Variants in CTNND2 observed in about 807,000 individuals in gnomAD.
CTNND2 encodes the protein catenin delta 2, also known as catenin delta-2.
A neutral mutation model predicts 144.4 loss-of-function variants in CTNND2; 22 were observed. That is an observed-to-expected ratio of 0.15 (90% CI 0.11 to 0.22). The LOEUF is 0.22. Ranked by LOEUF, CTNND2 falls within the 10% of genes least tolerant of loss-of-function variation. The probability of loss-of-function intolerance (pLI) is 1.00; values close to 1 mark genes in which losing one functional copy is unlikely to be tolerated. For synonymous variants in CTNND2, 751 were observed against 695.6 expected, an observed-to-expected ratio of 1.08 and a Z score of -1.25; for missense variants, 1,353 against 1,618.8, an observed-to-expected ratio of 0.84 and a Z score of 2.82.
intron 9 of CTNND2, among the ~76,000 whole-genome samples, chr5:11,254,174 C>T (rs970153802): frequency 4.6e-5 from 7 of 152,164 alleles, no homozygotes; most frequent in African/African-American, 1.7e-4. Context: ...TTACTAGTTG[C>T]TCAATAAACA....
chr5:11,775,475 C>T (rs1258386976), intron 1 of CTNND2, among the ~76,000 whole-genome samples: 1 of 152,198 alleles, frequency 6.6e-6, no homozygotes, highest in East Asian at 1.9e-4. Context: ...CTAGCATGTC[C>T]CCCCATTGCA....
chr5:11,009,432 A>G (rs1740825677), intron 18 of CTNND2, among the ~76,000 whole-genome samples: 1 of 152,234 alleles, frequency 6.6e-6, no homozygotes, highest in Non-Finnish European at 1.5e-5. Flanking sequence ...GGAAGAGAGA[A>G]GAAACTGATC....
At chr5:11,430,970 A>G (rs1581178816) in intron 3 of CTNND2, among the ~76,000 whole-genome samples, 2 of 152,188 alleles carry the variant, frequency 1.3e-5, no homozygotes, top group Admixed American at 1.3e-4. Context: ...TGAGCAGTTT[A>G]ATGTGTCTGA....
intron 9 of CTNND2, among the ~76,000 whole-genome samples, chr5:11,309,399 G>A (rs946276339): frequency 6.6e-6 from 1 of 152,212 alleles, no homozygotes; most frequent in African/African-American, 2.4e-5. Flanking sequence ...AGTCAAAGGA[G>A]ATTATTTTGG....
At chr5:11,269,375 T>G (rs1745772151) in intron 9 of CTNND2, among the ~76,000 whole-genome samples, 1 of 152,208 alleles carries the variant, frequency 6.6e-6, no homozygotes, top group African/African-American at 2.4e-5. Context: ...CTATTCTCGT[T>G]TATTATAATA....
At chr5:11,625,003 A>G (rs1315801634) in intron 2 of CTNND2, among the ~76,000 whole-genome samples, 4 of 152,136 alleles carry the variant, frequency 2.6e-5, no homozygotes, top group Non-Finnish European at 5.9e-5. Context: ...AACAACCAAA[A>G]AAAAACAAAG....
intron 9 of CTNND2, among the ~76,000 whole-genome samples, chr5:11,253,390 T>A (rs1376777441): frequency 3.3e-5 from 5 of 152,222 alleles, no homozygotes; most frequent in Non-Finnish European, 7.3e-5. Flanking sequence ...GTGGGATGGA[T>A]CTGGTGGAAG....
At chr5:11,688,925 G>A (rs952477782) in intron 2 of CTNND2, among the ~76,000 whole-genome samples, 2 of 152,200 alleles carry the variant, frequency 1.3e-5, no homozygotes, top group African/African-American at 2.4e-5. Context: ...ATCACAGACG[G>A]AGTTGCCCTT....
intron 1 of CTNND2, among the ~76,000 whole-genome samples, chr5:11,773,262 C>A (rs1398418172): frequency 1.3e-5 from 2 of 152,178 alleles, no homozygotes; most frequent in South Asian, 4.1e-4. Context: ...AAATCCAGGT[C>A]TTTCAGCTTT....
intron 16 of CTNND2, among the ~76,000 whole-genome samples, chr5:11,036,155 C>A (rs574069580): frequency 6.6e-6 from 1 of 151,918 alleles, no homozygotes; most frequent in African/African-American, 2.4e-5. Context: ...TTGTTACTCT[C>A]GAGTCACTTT....
At chr5:11,191,624 C>T (rs765671013) in intron 11 of CTNND2, among the ~76,000 whole-genome samples, 18 of 152,158 alleles carry the variant, frequency 1.2e-4, no homozygotes, top group South Asian at 4.1e-4. Flanking sequence ...CTGAGGGCTG[C>T]GGGCAGAGGG....
At position 11,085,710 on chromosome 5, in the gene CTNND2, C is replaced by T. The variant is rs145077411; in HGVS notation, c.2638-2864G>A. ...TGCCCTCTCCCTAGTCAATACAGAG[C>T]CTCCATGCTGGGGAAAGAAAGGATG... On this transcript the variant is annotated intron_variant, in intron 15 of 21. Transcript: ENST00000304623. 4.2e-4 allele frequency among the ~76,000 whole-genome samples: 64 copies of T among 152,306 alleles called. 1 individual carries two copies. Among genetic ancestry groups the T allele is most frequent in the African/African-American group, 1.5e-3 (64 of 41,560 alleles).
intron 7 of CTNND2, among the ~76,000 whole-genome samples, chr5:11,378,966 T>C (rs1758213647): frequency 6.6e-6 from 1 of 152,198 alleles, no homozygotes; most frequent in African/African-American, 2.4e-5. Context: ...CTCTCCATAT[T>C]AGGTCAATTT....
intron 1 of CTNND2, among the ~76,000 whole-genome samples, chr5:11,734,404 T>C (rs1184372037): frequency 6.6e-6 from 1 of 152,194 alleles, no homozygotes; most frequent in Non-Finnish European, 1.5e-5. Flanking sequence ...GGGCAGGTTT[T>C]GCCCATGCTG....
At chr5:11,631,445 A>G (rs1460106696) in intron 2 of CTNND2, among the ~76,000 whole-genome samples, 1 of 152,152 alleles carries the variant, frequency 6.6e-6, no homozygotes, top group Non-Finnish European at 1.5e-5. Context: ...AAGATAACCA[A>G]CTTAATCTTG....
chr5:11,682,334 T>C (rs1032917044), intron 2 of CTNND2, among the ~76,000 whole-genome samples: 2 of 152,170 alleles, frequency 1.3e-5, no homozygotes, highest in African/African-American at 4.8e-5. Flanking sequence ...AGCCGAGGTG[T>C]TGAAAATTGC....
chr5:11,433,644 G>A (rs1290338881), intron 3 of CTNND2, among the ~76,000 whole-genome samples: 1 of 152,106 alleles, frequency 6.6e-6, no homozygotes, highest in African/African-American at 2.4e-5. Context: ...AAAGGGGTGT[G>A]GGTAGGTGCC....
intron 3 of CTNND2, among the ~76,000 whole-genome samples, chr5:11,430,274 G>GCTCCT (rs1763168868): frequency 7.6e-6 from 1 of 131,028 alleles, no homozygotes; most frequent in South Asian, 2.4e-4. Flanking sequence ...AAAAAAAGGA[G>GCTCCT]TTTTTTTTTT....
In CTNND2 at chr5:11,620,961, G is replaced by A. The variant is rs567747213; in HGVS notation, c.175-55905C>T. Among the ~76,000 whole-genome samples, 9 of 152,264 alleles carry A rather than the reference G, an allele frequency of 5.9e-5. No homozygotes were observed. In the South Asian group the frequency reaches 1.5e-3, roughly 25 times the overall value. ...CACATGACTTATTAGCCAAAATGTG[G>A]TCTGCTTGACCCTGTCTGTCTCATG... On this transcript the variant is annotated intron_variant, in intron 2 of 21. Coordinates refer to ENST00000304623, the MANE Select transcript of CTNND2 (RefSeq NM_001332.4).
Sources: allele counts gnomAD v4.1 joint callset (sites outside exome capture counted in the v4.1 genomes callset), GRCh38; gene constraint gnomAD v4.1.1; transcripts MANE v1.5; gene names NCBI Gene and HGNC (gene_info 2026-07-23, HGNC 2026-07-21).